SH3BP5: variants seen among roughly 807,000 people sequenced by gnomAD.
SH3BP5 encodes the protein SH3 domain binding protein 5, also known as SH3 domain-binding protein 5.
A neutral mutation model predicts 43.3 loss-of-function variants in SH3BP5; 22 were observed. The observed-to-expected ratio is 0.51, with a 90% CI of 0.36 to 0.73. The LOEUF is 0.73. Among genes scored for constraint, SH3BP5 ranks in the 30% least tolerant of loss-of-function variants. The probability of loss-of-function intolerance (pLI) is 0.00; values close to 1 mark genes in which losing one functional copy is unlikely to be tolerated. For missense variants in SH3BP5, 529 were observed against 586.9 expected (o/e 0.90, Z 1.02); for synonymous variants, 255 against 225.8 (o/e 1.13, Z -1.16).
intron 3 of SH3BP5, among the ~76,000 whole-genome samples, chr3:15,293,929 T>G (rs1191399209): frequency 6.6e-6 from 1 of 151,558 alleles, no homozygotes; most frequent in African/African-American, 2.4e-5. Context: ...AATACAAAAA[T>G]TAGCCTGGTG....
chr3:15,304,347 A>G, intron 2 of SH3BP5, 116 bp from the exon 3 acceptor site: 1 of 1,476,324 alleles, frequency 6.8e-7, no homozygotes, highest in South Asian at 1.2e-5. Flanking sequence ...ACAGACCCCT[A>G]AAGTAGCACC....
chr3:15,318,722 C>T (rs1698245586), intron 2 of SH3BP5, among the ~76,000 whole-genome samples: 1 of 152,148 alleles, frequency 6.6e-6, no homozygotes. Context: ...ACTGCAATAC[C>T]TGGTTACTAC....
upstream of SH3BP5, among the ~76,000 whole-genome samples, chr3:15,336,820 C>T (rs1698705444): frequency 6.6e-6 from 1 of 152,030 alleles, no homozygotes; most frequent in African/African-American, 2.4e-5. Flanking sequence ...GACTCTTTTA[C>T]AGTCCCTCAC....
chr3:15,262,205 TGCG>T lies in SH3BP5; in HGVS notation c.577_579del (p.Arg193del). 6.2e-7 allele frequency: 1 copy of T among 1,614,198 alleles called. No individual in the cohort carries two copies. Among genetic ancestry groups the T allele is most frequent in the Non-Finnish European group, 8.5e-7 (1 of 1,180,036 alleles). ...TTGAGTTTCTTCTCCAGCTGTCGCATGCGGCCCATGGCGGCATTGTACCTGGCT... is the reference window on the plus strand; with the variant it reads ...TTGAGTTTCTTCTCCAGCTGTCGCATGCCCATGGCGGCATTGTACCTGGCT... On this transcript the variant is annotated inframe_deletion, in exon 5 of 9. Coordinates refer to ENST00000383791, the MANE Select transcript of SH3BP5 (RefSeq NM_004844.5).
intron 3 of SH3BP5, among the ~76,000 whole-genome samples, chr3:15,271,927 C>A (rs572271954): frequency 6.6e-6 from 1 of 152,122 alleles, no homozygotes; most frequent in Non-Finnish European, 1.5e-5. Flanking sequence ...GCCACAAACC[C>A]GCCTCTGCAG....
intron 6 of SH3BP5, chr3:15,259,306 G>T (rs1312966595): frequency 5.3e-6 from 3 of 568,814 alleles, no homozygotes; most frequent in Non-Finnish European, 9.4e-6. Flanking sequence ...CCCCATCAGG[G>T]AAGCAAAAAT....
chr3:15,330,135 C>T (rs2125147745), intron 2 of SH3BP5, among the ~76,000 whole-genome samples: 1 of 152,382 alleles, frequency 6.6e-6, no homozygotes, highest in Middle Eastern at 3.4e-3. Context: ...ATGGCAGGAA[C>T]TGCCCTGAAT....
intron 2 of SH3BP5, among the ~76,000 whole-genome samples, chr3:15,328,880 G>A (rs780835457): frequency 2.4e-4 from 37 of 152,194 alleles, no homozygotes; most frequent in Admixed American, 4.6e-4. Flanking sequence ...ATTCTATGAT[G>A]ACAGCAGTTT....
intron 3 of SH3BP5, among the ~76,000 whole-genome samples, chr3:15,286,885 T>C (rs1225665204): frequency 6.6e-6 from 1 of 152,200 alleles, no homozygotes; most frequent in African/African-American, 2.4e-5. Context: ...ATTTTTCATC[T>C]TTACTTTGCA....
chr3:15,307,795 GGCCAGT>G (rs1396385790), intron 2 of SH3BP5, among the ~76,000 whole-genome samples: 2 of 152,210 alleles, frequency 1.3e-5, no homozygotes, highest in Non-Finnish European at 2.9e-5. Context: ...CCCTGGTGGT[GGCCAGT>G]GCCAGTGCTG....
chr3:15,255,929 G>A lies in SH3BP5; in HGVS notation c.*157C>T. ...AAACCAGCCCAAGAGCTCTTACCCA[G>A]AAGAACAATCTTTAGCCCTCAAGGT... On this transcript the variant is annotated 3_prime_UTR_variant, in exon 9 of 9. Transcript: ENST00000383791. The A allele has an allele frequency of 1.4e-6, 1 of 696,912 alleles. No individual in the cohort carries two copies. The highest frequency in any genetic ancestry group is 2.6e-5 in the Admixed American group (1 of 38,934). 43.2% of individuals were successfully genotyped at this position (696,912 alleles called of 1,614,324 possible). A position where few individuals can be genotyped will look rare whatever the true frequency, so the allele number is the denominator to read the frequency against.
chr3:15,266,684 C>G (rs1696654943), intron 4 of SH3BP5, among the ~76,000 whole-genome samples: 1 of 152,222 alleles, frequency 6.6e-6, no homozygotes, highest in Admixed American at 6.5e-5. Flanking sequence ...GCAGCTCTGC[C>G]ACAAGCTACT....
At chr3:15,316,796 C>T (rs147104124) in intron 2 of SH3BP5, among the ~76,000 whole-genome samples, 7 of 151,568 alleles carry the variant, frequency 4.6e-5, no homozygotes, top group African/African-American at 1.2e-4. Context: ...GCCCTTTAAA[C>T]GTGACAGCAA....
At chr3:15,327,271 A>G (rs955116523) in intron 2 of SH3BP5, among the ~76,000 whole-genome samples, 2 of 152,206 alleles carry the variant, frequency 1.3e-5, no homozygotes, top group Admixed American at 6.5e-5. Flanking sequence ...ATGGTGGCGC[A>G]CGCCTGTAAT....
chr3:15,273,440 C>A, intron 3 of SH3BP5: 2 of 981,348 alleles, frequency 2.0e-6, no homozygotes, highest in Non-Finnish European at 2.4e-6. Context: ...TGTGAAGCTG[C>A]CTTTGAGAAG....
rs1007846962 is a variant in SH3BP5 at position 15,255,473 on chromosome 3, G to A, written c.*613C>T. ...CCCACCCCAAAAAGTGCAGCTCATG[G>A]TAGCCTTCTAGAAAATGGTTTTAAT... On this transcript the variant is annotated 3_prime_UTR_variant, in exon 9 of 9. Transcript: ENST00000383791. 2 of 152,458 alleles carry A rather than the reference G, an allele frequency of 1.3e-5. No individual in the cohort carries two copies. Among genetic ancestry groups the A allele is most frequent in the Admixed American group, 6.5e-5 (1 of 15,268 alleles). The allele number at this position is 152,458 out of a possible 1,614,324, so 9.4% of individuals were successfully genotyped here. A position where few individuals can be genotyped will look rare whatever the true frequency, so the allele number is the denominator to read the frequency against.
In SH3BP5 at chr3:15,337,940, GC is replaced by G. The variant is rs1698721915; in HGVS notation, c.-402+3282del. ...AAAAAAAAAAAAAAAAAAAAAAAGT[GC>G]CCCAAAGCAGCAGCCAAGTCAATCC... On this transcript the variant is annotated intron_variant, in intron 1 of 8. Transcript: ENST00000408919. Among the ~76,000 whole-genome samples the G allele has an allele frequency of 4.4e-5, 6 of 137,552 alleles. No individual in the cohort carries two copies. In the South Asian group the frequency reaches 1.4e-3, roughly 32 times the overall value. The allele number at this position is 137,552 out of a possible 152,430, so 90.2% of individuals were successfully genotyped here. A position where few individuals can be genotyped will look rare whatever the true frequency, so the allele number is the denominator to read the frequency against.
At chr3:15,299,683 T>C (rs1056200702) in intron 3 of SH3BP5, among the ~76,000 whole-genome samples, 8 of 151,918 alleles carry the variant, frequency 5.3e-5, no homozygotes, top group African/African-American at 1.7e-4. Flanking sequence ...TTATTTCATA[T>C]AGAGACAAGA....
chr3:15,256,161 C>T lies in SH3BP5; in HGVS notation c.1293G>A (p.Met431Ile), dbSNP rs1696187718. ...TTGAGCACTGTAGGGAGAGCTGCTTCATCCGGTTCTCCAAGGCCTGGCCCT... is the reference window on the plus strand; with the variant it reads ...TTGAGCACTGTAGGGAGAGCTGCTTTATCCGGTTCTCCAAGGCCTGGCCCT... ...SPEGQALENR[M>I]KQLSLQCSKG... Residue 431 changes from methionine to isoleucine, a missense_variant, in exon 9 of 9, where the codon ATG (methionine) becomes ATA (isoleucine). Physicochemically the swap from Met to Ile is conservative, Grantham distance 10. This residue lies in a region of SH3BP5 where 369 missense variants were observed against 384.3 expected (regional missense o/e 0.96). Transcript: ENST00000383791. 6.2e-7 allele frequency: 1 copy of T among 1,614,062 alleles called. No homozygotes were observed. Among genetic ancestry groups the T allele is most frequent in the Admixed American group, 1.7e-5 (1 of 60,010 alleles).
Sources: gnomAD v4.1 joint callset for allele counts (sites outside exome capture counted in the v4.1 genomes callset) on GRCh38, gnomAD v4.1.1 for gene constraint, gnomAD v4.1.1 regional missense constraint, MANE v1.5 for transcripts, NCBI Gene and HGNC (gene_info 2026-07-23, HGNC 2026-07-21) for gene names.